Variants in SUPT3H observed in about 807,000 individuals in gnomAD.
SUPT3H encodes SPT3 homolog, SAGA and STAGA complex component.
Under a neutral mutation model 44.3 loss-of-function variants are expected in SUPT3H, and 44 were observed. The ratio of observed to expected loss-of-function variants is 0.99; its 90% CI spans 0.78 to 1.28. SUPT3H has a LOEUF of 1.28. Among genes scored for constraint, SUPT3H ranks in the 50% most tolerant of loss-of-function variants. The pLI, the probability that SUPT3H is intolerant of heterozygous loss-of-function variation, is 0.00. For missense variants in SUPT3H, 380 were observed against 387.1 expected, an observed-to-expected ratio of 0.98 and a Z score of 0.15; for synonymous variants, 124 against 125.6, an observed-to-expected ratio of 0.99 and a Z score of 0.09.
chr6:45,005,587 GCTA>G (rs1043156223), intron 5 of SUPT3H, among the ~76,000 whole-genome samples: 12 of 151,656 alleles, frequency 7.9e-5, no homozygotes, highest in African/African-American at 2.7e-4. Context: ...TATAATCACA[GCTA>G]CTCGGGAGGC....
intron 3 of SUPT3H, among the ~76,000 whole-genome samples, chr6:45,031,934 A>G (rs2153524296): frequency 1.3e-5 from 2 of 152,320 alleles, no homozygotes; most frequent in East Asian, 3.9e-4. Flanking sequence ...ATGGTACACA[A>G]ATCAGCAGGT....
intron 9 of SUPT3H, among the ~76,000 whole-genome samples, chr6:44,945,539 C>T (rs916967591): frequency 1.3e-5 from 2 of 152,070 alleles, no homozygotes; most frequent in African/African-American, 4.8e-5. Context: ...GTGAAACAGC[C>T]TTATTGCTGA....
Position 45,230,662 on chromosome 6 carries a change from C to CTA in SUPT3H, c.102-124658_102-124657dup, listed in dbSNP as rs66480751. 4.8e-4 allele frequency among the ~76,000 whole-genome samples: 33 copies of CTA among 68,746 alleles called. 1 individual carries two copies. The highest frequency in any genetic ancestry group is 1.5e-3 in the African/African-American group (29 of 19,210). The allele number at this position is 68,746 out of a possible 152,430, so 45.1% of individuals were successfully genotyped here. A position where few individuals can be genotyped will look rare whatever the true frequency, so the allele number is the denominator to read the frequency against. On this transcript the variant is annotated intron_variant, in intron 2 of 10. Coordinates refer to ENST00000371459, the MANE Select transcript of SUPT3H (RefSeq NM_003599.4). ...AAATCATGTTTTAAATTCATTCAGT[C>CTA]TATATATATATATATATATATATAT...
intron 2 of SUPT3H, among the ~76,000 whole-genome samples, chr6:45,292,863 G>A (rs973961837): frequency 2.6e-5 from 4 of 151,016 alleles, no homozygotes; most frequent in Non-Finnish European, 5.9e-5. Flanking sequence ...TAAGAAATGA[G>A]ATAGACAGCA....
intron 2 of SUPT3H, among the ~76,000 whole-genome samples, chr6:45,290,581 G>A (rs9472454): frequency 0.18 from 27,503 of 151,862 alleles, 3,850 homozygotes; most frequent in African/African-American, 0.39. Flanking sequence ...CAAAAATCCC[G>A]TAAGTTGGGC....
intron 2 of SUPT3H, among the ~76,000 whole-genome samples, chr6:45,280,288 G>C (rs541645184): frequency 6.6e-6 from 1 of 152,148 alleles, no homozygotes; most frequent in African/African-American, 2.4e-5. Context: ...TATCACTTGA[G>C]GTTAGGATTT....
chr6:44,851,037 C>T (rs1016888892), intron 10 of SUPT3H, among the ~76,000 whole-genome samples: 2 of 151,996 alleles, frequency 1.3e-5, no homozygotes, highest in African/African-American at 4.8e-5. Flanking sequence ...AGATGGTGTA[C>T]GTGATGGACA....
intron 2 of SUPT3H, among the ~76,000 whole-genome samples, chr6:45,333,341 G>A (rs1333743215): frequency 2.6e-5 from 4 of 151,538 alleles, no homozygotes. Context: ...ACATACACAT[G>A]AAACAGACCA....
At chr6:45,248,340 T>C (rs987132906) in intron 2 of SUPT3H, among the ~76,000 whole-genome samples, 2 of 151,912 alleles carry the variant, frequency 1.3e-5, no homozygotes, top group Non-Finnish European at 2.9e-5. Context: ...AAATTACATA[T>C]GAGACAAAGG....
intron 3 of SUPT3H, among the ~76,000 whole-genome samples, chr6:45,056,245 G>C (rs1791107683): frequency 6.6e-6 from 1 of 152,110 alleles, no homozygotes; most frequent in Admixed American, 6.5e-5. Context: ...AATGTAAACT[G>C]TACAACCACT....
At position 45,065,202 on chromosome 6, in the gene SUPT3H, G is replaced by C. The variant is rs1249641668; in HGVS notation, c.186+40720C>G. ...TATGGAAACTGAACAACCTGCTCCT[G>C]AATGACTACTGGGTACATAACGAAA... On this transcript the variant is annotated intron_variant, in intron 3 of 10. Transcript: ENST00000371459. 1.2e-4 allele frequency among the ~76,000 whole-genome samples: 18 copies of C among 151,586 alleles called. 1 individual carries two copies. The highest frequency in any genetic ancestry group is 1.1e-3 in the Admixed American group (17 of 15,204).
intron 10 of SUPT3H, among the ~76,000 whole-genome samples, chr6:44,833,717 C>A (rs1023702200): frequency 6.6e-6 from 1 of 151,954 alleles, no homozygotes; most frequent in Non-Finnish European, 1.5e-5. Flanking sequence ...GATTTAAAAC[C>A]CAGGGCCTGT....
At chr6:45,291,400 C>A (rs747885782) in intron 2 of SUPT3H, among the ~76,000 whole-genome samples, 1 of 152,036 alleles carries the variant, frequency 6.6e-6, no homozygotes, top group African/African-American at 2.4e-5. Context: ...TCTTTAACAC[C>A]CCCCAAAATC....
rs995571435 is a variant in SUPT3H, at chr6:44,870,656, G to A, written c.913-40799C>T. ...AGAAGGGGGAGGAGCCAAGATGGCCGAATAGGAACAGCTCCAGTCTACAGC... is the reference window on the plus strand; with the variant it reads ...AGAAGGGGGAGGAGCCAAGATGGCCAAATAGGAACAGCTCCAGTCTACAGC... On this transcript the variant is annotated intron_variant, in intron 10 of 10. Coordinates refer to ENST00000371459, the MANE Select transcript of SUPT3H (RefSeq NM_003599.4). Among the ~76,000 whole-genome samples the A allele has an allele frequency of 3.3e-5, 5 of 150,830 alleles. No individual in the cohort carries two copies. The South Asian group carries it at 6.3e-4, about 19-fold the overall frequency.
chr6:45,200,472 C>T (rs565041543), intron 2 of SUPT3H, among the ~76,000 whole-genome samples: 11 of 151,446 alleles, frequency 7.3e-5, no homozygotes, highest in Non-Finnish European at 1.5e-4. Context: ...TATTAACAAA[C>T]TTAACAAGAT....
rs1188036449 is a variant in SUPT3H, at chr6:44,827,282, T to C, written c.*2534A>G. Among the ~76,000 whole-genome samples the C allele has an allele frequency of 6.6e-6, 1 of 152,172 alleles. No individual in the cohort carries two copies. The highest frequency in any genetic ancestry group is 1.5e-5 in the Non-Finnish European group (1 of 67,996). On this transcript the variant is annotated 3_prime_UTR_variant, in exon 11 of 11. Coordinates refer to ENST00000371459, the MANE Select transcript of SUPT3H (RefSeq NM_003599.4). Reference sequence around the variant, plus strand: ...ACTATATAACACGTATGCTTTAGGATGTATCCATAATTAGTACAGTTTTTA... The same window carrying C: ...ACTATATAACACGTATGCTTTAGGACGTATCCATAATTAGTACAGTTTTTA...
chr6:45,000,878 T>A (rs1457293028), intron 6 of SUPT3H, among the ~76,000 whole-genome samples: 1 of 152,062 alleles, frequency 6.6e-6, no homozygotes, highest in Non-Finnish European at 1.5e-5. Context: ...ACTCTGAAGG[T>A]AGAGTTCTCT....
At chr6:45,216,796 T>G (rs1464254026) in intron 2 of SUPT3H, among the ~76,000 whole-genome samples, 1 of 152,174 alleles carries the variant, frequency 6.6e-6, no homozygotes, top group Non-Finnish European at 1.5e-5. Context: ...ACACCTGATA[T>G]ATATTTTAAA....
chr6:45,283,773 C>T (rs976146685), intron 2 of SUPT3H, among the ~76,000 whole-genome samples: 5 of 152,074 alleles, frequency 3.3e-5, no homozygotes, highest in African/African-American at 1.2e-4. Flanking sequence ...CCCAAATCAA[C>T]AGAATATACA....
Sources: allele counts gnomAD v4.1 joint callset (sites outside exome capture counted in the v4.1 genomes callset), GRCh38; gene constraint gnomAD v4.1.1; transcripts MANE v1.5; gene names NCBI Gene and HGNC (gene_info 2026-07-23, HGNC 2026-07-21).